TAFA1: variants seen among roughly 807,000 people sequenced by gnomAD.
TAFA1 encodes the protein TAFA chemokine like family member 1.
A neutral mutation model predicts 18.5 loss-of-function variants in TAFA1; 4 were observed. The ratio of observed to expected loss-of-function variants is 0.22; its 90% CI spans 0.11 to 0.49. The LOEUF (loss-of-function observed/expected upper bound fraction) is 0.49, where lower values mean the gene tolerates loss of function less well. Among genes scored for constraint, TAFA1 ranks in the 20% least tolerant of loss-of-function variants. The pLI, the probability that TAFA1 is intolerant of heterozygous loss-of-function variation, is 0.98. For synonymous variants in TAFA1, 56 were observed against 55.2 expected (o/e 1.01, Z -0.06); for missense variants, 147 against 169.0 (o/e 0.87, Z 0.72).
At chr3:68,161,863 T>C (rs1231922322) in intron 2 of TAFA1, among the ~76,000 whole-genome samples, 2 of 152,192 alleles carry the variant, frequency 1.3e-5, no homozygotes, top group Non-Finnish European at 2.9e-5. Flanking sequence ...TTCAGATTCA[T>C]AATTATTAAT....
At chr3:68,008,539 G>A (rs1235305434) in intron 2 of TAFA1, among the ~76,000 whole-genome samples, 1 of 152,140 alleles carries the variant, frequency 6.6e-6, no homozygotes, top group Non-Finnish European at 1.5e-5. Flanking sequence ...AGCTCTGAAA[G>A]GTTAGGTGGC....
chr3:68,369,978 T>A (rs1329573223), intron 2 of TAFA1, among the ~76,000 whole-genome samples: 1 of 151,930 alleles, frequency 6.6e-6, no homozygotes, highest in East Asian at 1.9e-4. Context: ...AAAATATAGA[T>A]GATTGATCAT....
intron 2 of TAFA1, among the ~76,000 whole-genome samples, chr3:68,364,673 T>C (rs2069532540): frequency 6.6e-6 from 1 of 152,158 alleles, no homozygotes; most frequent in Non-Finnish European, 1.5e-5. Context: ...ATTCTTCAAT[T>C]CTGTTTTTTC....
chr3:68,173,939 A>G (rs1325709077), intron 2 of TAFA1, among the ~76,000 whole-genome samples: 1 of 152,238 alleles, frequency 6.6e-6, no homozygotes, highest in Middle Eastern at 3.2e-3. Flanking sequence ...AAGAAAATGC[A>G]TATTTTGGGA....
chr3:68,371,389 C>G (rs1252570349), intron 2 of TAFA1, among the ~76,000 whole-genome samples: 1 of 152,018 alleles, frequency 6.6e-6, no homozygotes, highest in East Asian at 1.9e-4. Flanking sequence ...CCCCCAACCC[C>G]CAACGGGCCC....
intron 2 of TAFA1, among the ~76,000 whole-genome samples, chr3:68,148,630 T>A (rs2065770622): frequency 6.6e-6 from 1 of 152,096 alleles, no homozygotes; most frequent in African/African-American, 2.4e-5. Flanking sequence ...CTTTGTCACA[T>A]TCCGTGCTGT....
At chr3:68,307,341 A>T (rs2068439444) in intron 2 of TAFA1, among the ~76,000 whole-genome samples, 1 of 152,210 alleles carries the variant, frequency 6.6e-6, no homozygotes, top group Admixed American at 6.5e-5. Flanking sequence ...TGAGAAAGAG[A>T]TAGTTCAAAT....
intron 3 of TAFA1, among the ~76,000 whole-genome samples, chr3:68,420,570 C>T (rs1285263780): frequency 3.9e-5 from 6 of 152,068 alleles, no homozygotes; most frequent in African/African-American, 1.4e-4. Context: ...TGGGGATATA[C>T]TGGGACTAGT....
At chr3:68,311,353 A>G (rs1040497525) in intron 2 of TAFA1, among the ~76,000 whole-genome samples, 4 of 152,148 alleles carry the variant, frequency 2.6e-5, no homozygotes, top group South Asian at 2.1e-4. Context: ...GAAAGTGTCA[A>G]TTCATTTCAG....
Position 68,177,285 on chromosome 3 carries a change from A to G in TAFA1, c.118+170541A>G, listed in dbSNP as rs746349504. Among the ~76,000 whole-genome samples, 67 of 152,224 alleles carry G rather than the reference A, an allele frequency of 4.4e-4. 1 individual carries two copies. Among genetic ancestry groups the G allele is most frequent in the Non-Finnish European group, 7.3e-5 (5 of 68,036 alleles). On this transcript the variant is annotated intron_variant, in intron 2 of 4. Transcript: ENST00000478136. ...CTCTGGGATATTTAATTGGTAAATC[A>G]ACATTAATGATCAGAGAAGTTTAGA...
At chr3:68,238,118 G>A (rs956722066) in intron 2 of TAFA1, among the ~76,000 whole-genome samples, 7 of 151,928 alleles carry the variant, frequency 4.6e-5, no homozygotes, top group East Asian at 3.9e-4. Flanking sequence ...GGTAATGTTC[G>A]CTTCAGTTGC....
chr3:68,127,664 GTGA>G (rs1479850753), intron 2 of TAFA1, among the ~76,000 whole-genome samples: 40 of 748 alleles, frequency 0.053, no homozygotes, highest in Non-Finnish European at 0.09. Flanking sequence ...TGGTGGTGGT[GTGA>G]TGATGGTGGT....
At chr3:68,165,044 T>C (rs1342588007) in intron 2 of TAFA1, among the ~76,000 whole-genome samples, 30 of 152,208 alleles carry the variant, frequency 2.0e-4, no homozygotes, top group Admixed American at 2.0e-3. Context: ...TTTGCACAGT[T>C]GTTTAAGAAG....
At chr3:68,445,912 G>A (rs1288318515) in intron 3 of TAFA1, among the ~76,000 whole-genome samples, 1 of 151,948 alleles carries the variant, frequency 6.6e-6, no homozygotes. Flanking sequence ...ATTTTGATTT[G>A]TTTTCTAAGA....
chr3:68,387,844 T>G (rs1040764861), intron 2 of TAFA1, among the ~76,000 whole-genome samples: 4 of 152,148 alleles, frequency 2.6e-5, no homozygotes, highest in Non-Finnish European at 5.9e-5. Flanking sequence ...CTTGGAAGGT[T>G]ATTTATAATA....
At chr3:68,138,084 G>C (rs919171489) in intron 2 of TAFA1, among the ~76,000 whole-genome samples, 1 of 152,040 alleles carries the variant, frequency 6.6e-6, no homozygotes, top group Non-Finnish European at 1.5e-5. Context: ...ATATACCTAA[G>C]GTGAGAAAGC....
chr3:68,306,521 T>C (rs13314372), intron 2 of TAFA1, among the ~76,000 whole-genome samples: 8,115 of 152,242 alleles, frequency 0.053, 690 homozygotes, highest in African/African-American at 0.18. Context: ...TGTGTGTGTA[T>C]GTTTAAATTT....
intron 3 of TAFA1, among the ~76,000 whole-genome samples, chr3:68,515,271 A>G (rs1381933609): frequency 1.3e-5 from 2 of 152,192 alleles, no homozygotes; most frequent in Non-Finnish European, 2.9e-5. Context: ...GAAATCCTAG[A>G]ATGTTACTTG....
chr3:68,535,637 A>G (rs557579146), intron 3 of TAFA1, among the ~76,000 whole-genome samples: 12 of 152,202 alleles, frequency 7.9e-5, no homozygotes, highest in Admixed American at 2.0e-4. Flanking sequence ...TAAATTGACA[A>G]TATAATAGAG....
Sources: gnomAD v4.1 joint callset for allele counts (sites outside exome capture counted in the v4.1 genomes callset) on GRCh38, gnomAD v4.1.1 for gene constraint, MANE v1.5 for transcripts, NCBI Gene and HGNC (gene_info 2026-07-23, HGNC 2026-07-21) for gene names.